DYNC1H1: variants seen among roughly 807,000 people sequenced by gnomAD.
The protein encoded by DYNC1H1 is dynein cytoplasmic 1 heavy chain 1.
A neutral mutation model predicts 527.1 loss-of-function variants in DYNC1H1; 51 were observed. The ratio of observed to expected loss-of-function variants is 0.10; its 90% CI spans 0.08 to 0.12. The LOEUF (loss-of-function observed/expected upper bound fraction) is 0.12, where lower values mean the gene tolerates loss of function less well. Among genes scored for constraint, DYNC1H1 ranks in the 10% least tolerant of loss-of-function variants. The pLI is 1.00. For synonymous variants in DYNC1H1, 2,189 were observed against 2,278.8 expected, an observed-to-expected ratio of 0.96 and a Z score of 1.12; for missense variants, 2,771 against 5,971.8, an observed-to-expected ratio of 0.46 and a Z score of 17.66.
chr14:102,029,494 A>G lies in DYNC1H1; in HGVS notation c.9469-45A>G, dbSNP rs1228969980. 6.2e-7 allele frequency: 1 copy of G among 1,613,640 alleles called. No individual in the cohort carries two copies. The highest frequency in any genetic ancestry group is 2.2e-5 in the East Asian group (1 of 44,898). ...CAAAATTGTTTTCTGAGGTTAAGTC[A>G]CAGAGTTTCCTGAAGAGTGAGAAGA... On this transcript the variant is annotated intron_variant, in intron 48 of 77. Transcript: ENST00000360184. The surrounding 1 kb of genome is among the most constrained non-coding windows in gnomAD (Gnocchi z 5.3).
chr14:101,984,749 G>A (rs1419637691), intron 7 of DYNC1H1, among the ~76,000 whole-genome samples: 4 of 150,770 alleles, frequency 2.7e-5, no homozygotes, highest in Admixed American at 6.6e-5. Flanking sequence ...TGGCTAACAC[G>A]GTGAAACCCC....
chr14:101,966,264 G>T (rs923143314), intron 1 of DYNC1H1, among the ~76,000 whole-genome samples: 2 of 152,058 alleles, frequency 1.3e-5, no homozygotes, highest in Non-Finnish European at 2.9e-5. Flanking sequence ...AGATTAGCAG[G>T]GTGTAAAAGA....
In DYNC1H1 at chr14:101,994,337, T is replaced by TA; in HGVS notation, c.3156+15dup. 1.2e-6 allele frequency: 2 copies of TA among 1,614,188 alleles called. No individual in the cohort carries two copies. The highest frequency in any genetic ancestry group is 1.7e-6 in the Non-Finnish European group (2 of 1,180,028). On this transcript the variant is annotated intron_variant, in intron 12 of 77. Coordinates refer to ENST00000360184, the MANE Select transcript of DYNC1H1 (RefSeq NM_001376.5). Reference sequence around the variant, plus strand: ...ACAGTATGTCAAGGTAAGAAACTCCTAATTTCATTCAAATGTGCATATGGT... The same window carrying TA: ...ACAGTATGTCAAGGTAAGAAACTCCTAAATTTCATTCAAATGTGCATATGGT...
In DYNC1H1 at chr14:101,965,594, C is replaced by T. The variant is rs959507776; in HGVS notation, c.256+647C>T. Among the ~76,000 whole-genome samples, 2 of 152,066 alleles carry T rather than the reference C, an allele frequency of 1.3e-5. No individual in the cohort carries two copies. Among genetic ancestry groups the T allele is most frequent in the African/African-American group, 4.8e-5 (2 of 41,418 alleles). On this transcript the variant is annotated intron_variant, in intron 1 of 77. Coordinates refer to ENST00000360184, the MANE Select transcript of DYNC1H1 (RefSeq NM_001376.5). This position sits in a 1 kb window ranked among gnomAD's most constrained non-coding sequence, Gnocchi z 4.1. ...CTGTTGTAGGTGGATGCTCTCACAGCATCCTTGCTGAACGGGTGTATCCTG... is the reference window on the plus strand; with the variant it reads ...CTGTTGTAGGTGGATGCTCTCACAGTATCCTTGCTGAACGGGTGTATCCTG...
At position 102,016,511 on chromosome 14, in the gene DYNC1H1, G is replaced by A. The variant is rs767174477; in HGVS notation, c.7614+22G>A. On this transcript the variant is annotated intron_variant, in intron 37 of 77. Transcript: ENST00000360184. This position sits in a 1 kb window ranked among gnomAD's most constrained non-coding sequence, Gnocchi z 7.3. ...TGAGGTGAGCATGCAGCTACCACCC[G>A]TGTTTCTGATTCTCGCCTTGTTGAT... 8.1e-6 allele frequency: 13 copies of A among 1,614,006 alleles called. No homozygotes were observed. The highest frequency in any genetic ancestry group is 5.5e-5 in the South Asian group (5 of 91,082).
chr14:101,992,718 CA>C (rs2048012028), intron 11 of DYNC1H1, among the ~76,000 whole-genome samples: 1 of 152,172 alleles, frequency 6.6e-6, no homozygotes, highest in African/African-American at 2.4e-5. Context: ...CCCATAGCCC[CA>C]CCCTGCTGAC....
rs1219013973 is a variant in DYNC1H1, at chr14:101,980,350, T to C, written c.775-14T>C. ...AAATAGTGAATACCCTTGGGTGTTA[T>C]TTTATTTTCAAAGGTGACCAAACTG... On this transcript the variant is annotated splice_polypyrimidine_tract_variant and intron_variant, in intron 4 of 77. Coordinates refer to ENST00000360184, the MANE Select transcript of DYNC1H1 (RefSeq NM_001376.5). 3 of 1,613,752 alleles carry C rather than the reference T, an allele frequency of 1.9e-6. No individual in the cohort carries two copies. Among genetic ancestry groups the C allele is most frequent in the East Asian group, 4.5e-5 (2 of 44,900 alleles).
In DYNC1H1 at chr14:102,048,392, C is replaced by T. The variant is rs1260927579; in HGVS notation, c.13219-124C>T. On this transcript the variant is annotated intron_variant, in intron 73 of 77. Transcript: ENST00000360184. ...CCAAGTCACGCTCTGCCAAAGCTGTCCGTGACCCTGGACAGTTCGGAAGCT... is the reference window on the plus strand; with the variant it reads ...CCAAGTCACGCTCTGCCAAAGCTGTTCGTGACCCTGGACAGTTCGGAAGCT... 2.2e-6 allele frequency: 3 copies of T among 1,340,630 alleles called. No homozygotes were observed. The East Asian group carries it at 7.3e-5, about 32-fold the overall frequency. The allele number at this position is 1,340,630 out of a possible 1,614,324, so 83.0% of individuals were successfully genotyped here. A position where few individuals can be genotyped will look rare whatever the true frequency, so the allele number is the denominator to read the frequency against.
chr14:101,982,047 C>G (rs913446521), intron 5 of DYNC1H1, among the ~76,000 whole-genome samples: 1 of 152,202 alleles, frequency 6.6e-6, no homozygotes, highest in Non-Finnish European at 1.5e-5. Context: ...AGGCCAGCAG[C>G]GGCGAGTGAG....
chr14:102,035,767 CCTT>C (rs1159160900), intron 56 of DYNC1H1: 1 of 152,654 alleles, frequency 6.6e-6, no homozygotes, highest in African/African-American at 2.4e-5. Flanking sequence ...AATGCTTAGA[CCTT>C]CTCTGTAAAG....
chr14:102,007,227 G>A (rs2048206863), intron 28 of DYNC1H1, 119 bp downstream of exon 28: 3 of 995,382 alleles, frequency 3.0e-6, no homozygotes, highest in Non-Finnish European at 4.7e-6. Context: ...GGTTTATATG[G>A]CCTCCTGAGT....
rs1239766414 is a variant in DYNC1H1 at position 101,979,715 on chromosome 14, T to C, written c.519-4T>C. On this transcript the variant is annotated splice_region_variant and splice_polypyrimidine_tract_variant and intron_variant, in intron 3 of 77. Transcript: ENST00000360184. This position sits in a 1 kb window ranked among gnomAD's most constrained non-coding sequence, Gnocchi z 4.6. ...AAATGTTGAGGTATGAAATCTGTTT[T>C]TAGGGATGGTGATAAAATGGCTCCT... 6.2e-7 allele frequency: 1 copy of C among 1,613,956 alleles called. No homozygotes were observed. The highest frequency in any genetic ancestry group is 1.3e-5 in the African/African-American group (1 of 75,050).
rs566418221 is a variant in DYNC1H1, at chr14:102,018,433, G to A, written c.8178-18G>A. ...GCGCTGTCAGGGAGGGGCGCTGAGC[G>A]GGGCTATCTGTGCACAGGTTCCTGC... On this transcript the variant is annotated intron_variant, in intron 40 of 77. Transcript: ENST00000360184. The surrounding 1 kb of genome is among the most constrained non-coding windows in gnomAD (Gnocchi z 5.2). The A allele has an allele frequency of 3.5e-5, 56 of 1,611,886 alleles. No homozygotes were observed. In the Admixed American group the frequency reaches 6.2e-4, roughly 18 times the overall value.
chr14:102,048,147 G>T (rs976881733), intron 73 of DYNC1H1, 119 bp downstream of exon 73: 79 of 1,313,796 alleles, frequency 6.0e-5, no homozygotes, highest in Non-Finnish European at 7.9e-5. Context: ...ACTCACACCG[G>T]TGTCACCTCA....
chr14:101,988,022 G>A (rs1370577141), intron 9 of DYNC1H1, among the ~76,000 whole-genome samples: 2 of 152,112 alleles, frequency 1.3e-5, no homozygotes, highest in African/African-American at 2.4e-5. Flanking sequence ...AGGTTGCAAT[G>A]AGCCAACATC....
At position 102,033,492 on chromosome 14, in the gene DYNC1H1, TATC is replaced by T. The variant is rs1175614600; in HGVS notation, c.10413+14_10413+16del. ...GCAGCTGTCGAGGCAAAAGTAAGAT[TATC>T]ATCATTGATCCTCAGCCTTTCCTGC... On this transcript the variant is annotated intron_variant, in intron 54 of 77. Transcript: ENST00000360184. This position sits in a 1 kb window ranked among gnomAD's most constrained non-coding sequence, Gnocchi z 5.6. 3.7e-6 allele frequency: 6 copies of T among 1,613,760 alleles called. No homozygotes were observed. In the East Asian group the frequency reaches 1.1e-4, roughly 30 times the overall value.
rs2048326025 is a variant in DYNC1H1 at position 102,016,630 on chromosome 14, G to A, written c.7615-136G>A. On this transcript the variant is annotated intron_variant, in intron 37 of 77. Coordinates refer to ENST00000360184, the MANE Select transcript of DYNC1H1 (RefSeq NM_001376.5). This position sits in a 1 kb window ranked among gnomAD's most constrained non-coding sequence, Gnocchi z 7.3. ...AAGGACTTTATCCTTTTAGTTCCAT[G>A]TGTTAGCAAAGAGTGCAGATTAACC... is the stretch of plus-strand genomic sequence containing the variant. 1 of 1,556,806 alleles carries A rather than the reference G, an allele frequency of 6.4e-7. No individual in the cohort carries two copies. The highest frequency in any genetic ancestry group is 1.4e-5 in the African/African-American group (1 of 73,700).
rs2048846022 is a variant in DYNC1H1 at position 102,053,689 on chromosome 14, C to A, written c.*3126C>A. 6.6e-6 allele frequency: 1 copy of A among 151,120 alleles called. No individual in the cohort carries two copies. The highest frequency in any genetic ancestry group is 6.6e-5 in the Admixed American group (1 of 15,120). The allele number at this position is 151,120 out of a possible 1,614,324, so 9.4% of individuals were successfully genotyped here. ...GGTCTCGCTCTCCTGACCTCGTGATCCACCCGCCTCCCAAAGTGCTGAGAT... is the reference window on the plus strand; with the variant it reads ...GGTCTCGCTCTCCTGACCTCGTGATACACCCGCCTCCCAAAGTGCTGAGAT... On this transcript the variant is annotated 3_prime_UTR_variant, in exon 78 of 78. Coordinates refer to ENST00000360184, the MANE Select transcript of DYNC1H1 (RefSeq NM_001376.5).
intron 72 of DYNC1H1, among the ~76,000 whole-genome samples, chr14:102,045,593 A>G (rs2048707565): frequency 6.6e-6 from 1 of 152,124 alleles, no homozygotes; most frequent in South Asian, 2.1e-4. Flanking sequence ...CTTGGGCAAC[A>G]GAACAAGATT....
Sources: allele counts gnomAD v4.1 joint callset (sites outside exome capture counted in the v4.1 genomes callset), GRCh38; gene constraint gnomAD v4.1.1; non-coding constraint Gnocchi (gnomAD v3.1); transcripts MANE v1.5; gene names NCBI Gene and HGNC (gene_info 2026-07-23, HGNC 2026-07-21).